DGKI: variants seen among roughly 807,000 people sequenced by gnomAD.
The protein encoded by DGKI is diacylglycerol kinase iota.
In DGKI, 55 loss-of-function variants were observed where a neutral mutation model predicts 147.5. The observed-to-expected ratio is 0.37, with a 90% confidence interval of 0.30 to 0.47. DGKI has a LOEUF of 0.47. Ranked by LOEUF, DGKI falls within the 20% of genes least tolerant of loss-of-function variation. DGKI has a pLI of 1.00. For synonymous variants in DGKI, 469 were observed against 477.1 expected (o/e 0.98, Z 0.22); for missense variants, 1,007 against 1,323.8 (o/e 0.76, Z 3.71).
intron 30 of DGKI, among the ~76,000 whole-genome samples, chr7:137,406,918 C>G (rs899367459): frequency 1.2e-4 from 10 of 81,610 alleles, no homozygotes; most frequent in African/African-American, 4.9e-4. Context: ...ATAAGACATA[C>G]TTGCTGAATT....
chr7:137,441,094 G>A (rs887002227), intron 28 of DGKI, among the ~76,000 whole-genome samples: 2 of 152,124 alleles, frequency 1.3e-5, no homozygotes, highest in Admixed American at 1.3e-4. Context: ...CTGGATGCTA[G>A]CGAATAATAC....
At chr7:137,822,742 T>A (rs761211189) in intron 1 of DGKI, among the ~76,000 whole-genome samples, 7 of 151,740 alleles carry the variant, frequency 4.6e-5, no homozygotes, top group Non-Finnish European at 1.0e-4. Flanking sequence ...CATCCAAAAA[T>A]TATTATTAAT....
rs3778783 is a variant in DGKI at position 137,601,966 on chromosome 7, T to C, written c.1168-2061A>G. On this transcript the variant is annotated intron_variant, in intron 10 of 32. Transcript: ENST00000614521. ...TCACCAAATGACATATTGTGCTTCC[T>C]ATCAAATTCAAACATAGACTTAGAT... Among the ~76,000 whole-genome samples, 6 of 152,174 alleles carry C rather than the reference T, an allele frequency of 3.9e-5. No homozygotes were observed. The East Asian group carries it at 1.2e-3, about 29-fold the overall frequency.
chr7:137,656,459 C>T lies in DGKI; in HGVS notation c.681+7G>A, dbSNP rs765905331. 3 of 1,613,890 alleles carry T rather than the reference C, an allele frequency of 1.9e-6. No individual in the cohort carries two copies. Among genetic ancestry groups the T allele is most frequent in the African/African-American group, 2.7e-5 (2 of 74,912 alleles). ...TAACAAAACTGCAGCAGGGGGCGCG[C>T]TCTTACCTTTTCTAGCTGCTCAATG... On this transcript the variant is annotated splice_region_variant and intron_variant, in intron 4 of 32. Coordinates refer to ENST00000614521, the MANE Select transcript of DGKI (RefSeq NM_001321708.2).
intron 20 of DGKI, among the ~76,000 whole-genome samples, chr7:137,536,883 G>A (rs1407241369): frequency 1.3e-5 from 2 of 151,924 alleles, no homozygotes; most frequent in African/African-American, 4.8e-5. Flanking sequence ...GAACTCATGG[G>A]AGAAATTCAT....
At chr7:137,410,274 A>T (rs191656206) in intron 29 of DGKI, among the ~76,000 whole-genome samples, 1 of 152,090 alleles carries the variant, frequency 6.6e-6, no homozygotes, top group Admixed American at 6.5e-5. Flanking sequence ...GTGTGGTGGC[A>T]GGCACCTGTA....
Position 137,820,136 on chromosome 7 carries a change from G to A in DGKI, c.401+26326C>T, listed in dbSNP as rs58790311. On this transcript the variant is annotated intron_variant, in intron 1 of 32. Coordinates refer to ENST00000614521, the MANE Select transcript of DGKI (RefSeq NM_001321708.2). ...TCATTTCACTCATCCTTGCATCTAGGCTAGCACTCAGTGTGCTCCTTAAAA... is the reference window on the plus strand; with the variant it reads ...TCATTTCACTCATCCTTGCATCTAGACTAGCACTCAGTGTGCTCCTTAAAA... Among the ~76,000 whole-genome samples the A allele has an allele frequency of 8.1e-3, 1,226 of 152,228 alleles. 17 individuals carry two copies. Among genetic ancestry groups the A allele is most frequent in the African/African-American group, 0.028 (1,170 of 41,512 alleles).
Position 137,846,518 on chromosome 7 carries a change from G to A in DGKI, c.345C>T (p.Asp115=), listed in dbSNP as rs377186477. Residue 115 remains aspartate, a synonymous_variant, in exon 1 of 33, where the codon GAC becomes GAT. Coordinates refer to ENST00000614521, the MANE Select transcript of DGKI (RefSeq NM_001321708.2). The surrounding 1 kb of genome is among the most constrained non-coding windows in gnomAD (Gnocchi z 4.0). Reference sequence around the variant, plus strand: ...TCCTCAGCTTCTCCTCCAGCGCTTCGTCCTTCTCCTTCTGGCCGGCGGCCG... The same window carrying A: ...TCCTCAGCTTCTCCTCCAGCGCTTCATCCTTCTCCTTCTGGCCGGCGGCCG... ...EPAAAGQKEK[D]EALEEKLRNL... is the part of the protein sequence containing the mutation. 2 of 1,579,588 alleles carry A rather than the reference G, an allele frequency of 1.3e-6. No homozygotes were observed. Among genetic ancestry groups the A allele is most frequent in the South Asian group, 2.2e-5 (2 of 90,570 alleles).
intron 1 of DGKI, 35 bp from the exon 2 acceptor site, chr7:137,690,037 G>C: frequency 6.5e-7 from 1 of 1,540,958 alleles, no homozygotes; most frequent in Non-Finnish European, 8.8e-7. Context: ...CAAAAACAAA[G>C]AAAAACCAAC....
intron 19 of DGKI, among the ~76,000 whole-genome samples, chr7:137,566,750 C>T (rs999823457): frequency 1.3e-5 from 2 of 151,948 alleles, no homozygotes; most frequent in Non-Finnish European, 2.9e-5. Context: ...CTGGCAGAAC[C>T]CCTCCCTCTC....
chr7:137,413,733 T>A (rs1812253106), intron 28 of DGKI, among the ~76,000 whole-genome samples: 1 of 152,210 alleles, frequency 6.6e-6, no homozygotes, highest in South Asian at 2.1e-4. Flanking sequence ...TAAATAGTAC[T>A]AAGATGAACA....
chr7:137,537,946 A>C (rs553209560), intron 20 of DGKI, among the ~76,000 whole-genome samples: 1 of 152,218 alleles, frequency 6.6e-6, no homozygotes, highest in Non-Finnish European at 1.5e-5. Context: ...TCTGAATAAC[A>C]CAAATCAAGT....
chr7:137,698,059 T>G (rs1027156452), intron 1 of DGKI, among the ~76,000 whole-genome samples: 2 of 151,066 alleles, frequency 1.3e-5, no homozygotes, highest in Non-Finnish European at 2.9e-5. Context: ...TATATAGATA[T>G]CTATATATAT....
rs1485918453 is a variant in DGKI, at chr7:137,676,215, T to TG, written c.606+2341_606+2342insC. On this transcript the variant is annotated intron_variant, in intron 3 of 32. Transcript: ENST00000614521. ...GATGATGAGCCTGCCCATTTCAGCC[T>TG]AAACCAACCAGCAGCAACTATTACC... 2.4e-4 allele frequency among the ~76,000 whole-genome samples: 37 copies of TG among 152,338 alleles called. No homozygotes were observed. In the South Asian group the frequency reaches 6.8e-3, roughly 28 times the overall value.
intron 28 of DGKI, among the ~76,000 whole-genome samples, chr7:137,426,305 C>T (rs2128908805): frequency 6.6e-6 from 1 of 152,234 alleles, no homozygotes; most frequent in South Asian, 2.1e-4. Context: ...AACTAAGCTT[C>T]ATAAGTGAAG....
At chr7:137,706,676 G>A (rs933885773) in intron 1 of DGKI, among the ~76,000 whole-genome samples, 1 of 151,526 alleles carries the variant, frequency 6.6e-6, no homozygotes, top group African/African-American at 2.4e-5. Context: ...GGGTTCAAGC[G>A]ATTCTTCTGC....
intron 1 of DGKI, among the ~76,000 whole-genome samples, chr7:137,720,427 T>C (rs374789609): frequency 3.8e-4 from 57 of 151,954 alleles, no homozygotes; most frequent in Middle Eastern, 3.4e-3. Flanking sequence ...CTGGCTAATT[T>C]TTTTGTATTT....
At chr7:137,397,053 A>G (rs1811580632) in intron 31 of DGKI, among the ~76,000 whole-genome samples, 1 of 152,242 alleles carries the variant, frequency 6.6e-6, no homozygotes, top group South Asian at 2.1e-4. Context: ...AATAAATGTG[A>G]TGGGTATATT....
chr7:137,564,826 G>C (rs904847444), intron 19 of DGKI, among the ~76,000 whole-genome samples: 1 of 152,184 alleles, frequency 6.6e-6, no homozygotes, highest in Non-Finnish European at 1.5e-5. Flanking sequence ...CTGAGCACAA[G>C]GGCGGTCCCT....
Sources: gnomAD v4.1 joint callset for allele counts (sites outside exome capture counted in the v4.1 genomes callset) on GRCh38, gnomAD v4.1.1 for gene constraint, Gnocchi (gnomAD v3.1) non-coding constraint, MANE v1.5 for transcripts, NCBI Gene and HGNC (gene_info 2026-07-23, HGNC 2026-07-21) for gene names.